The following CNTNAP2 variants were observed in gnomAD, a reference collection of about 807,000 sequenced individuals.
CNTNAP2 encodes contactin-associated protein-like 2.
In CNTNAP2, 98 loss-of-function variants were observed where a neutral mutation model predicts 155.2. The ratio of observed to expected loss-of-function variants is 0.63; its 90% confidence interval spans 0.54 to 0.75. CNTNAP2 has a LOEUF of 0.75. CNTNAP2 is among the 30% of genes least tolerant of loss of function. The probability of loss-of-function intolerance (pLI) is 0.00; values close to 1 mark genes in which losing one functional copy is unlikely to be tolerated. For synonymous variants in CNTNAP2, 651 were observed against 631.2 expected, an observed-to-expected ratio of 1.03 and a Z score of -0.47; for missense variants, 1,727 against 1,688.1, an observed-to-expected ratio of 1.02 and a Z score of -0.40.
chr7:147,149,133 TG>T (rs1308504034), intron 8 of CNTNAP2, among the ~76,000 whole-genome samples: 1 of 152,216 alleles, frequency 6.6e-6, no homozygotes, highest in East Asian at 1.9e-4. Context: ...TACAGAGAGC[TG>T]ATTGGTCCAT....
intron 13 of CNTNAP2, among the ~76,000 whole-genome samples, chr7:147,771,043 A>G (rs556015014): frequency 1.3e-5 from 2 of 152,224 alleles, no homozygotes; most frequent in Non-Finnish European, 2.9e-5. Context: ...AAAAATTGAT[A>G]TATGCATTTA....
chr7:146,754,650 C>T (rs1465136567), intron 1 of CNTNAP2, among the ~76,000 whole-genome samples: 1 of 151,508 alleles, frequency 6.6e-6, no homozygotes, highest in Non-Finnish European at 1.5e-5. Context: ...AGTTCCATTG[C>T]TGTGCCTTAG....
chr7:147,672,807 A>G (rs1795809639), intron 13 of CNTNAP2: 1 of 151,550 alleles, frequency 6.6e-6, no homozygotes, highest in Non-Finnish European at 1.5e-5. Context: ...TCTTAGTTGC[A>G]CTGATTTTTT....
intron 1 of CNTNAP2, among the ~76,000 whole-genome samples, chr7:146,228,679 A>G (rs2116909321): frequency 6.6e-6 from 1 of 152,248 alleles, no homozygotes; most frequent in South Asian, 2.1e-4. Context: ...AATGTGATTC[A>G]CATTTCATCT....
intron 1 of CNTNAP2, among the ~76,000 whole-genome samples, chr7:146,121,191 C>G (rs1584758989): frequency 1.5e-5 from 2 of 135,786 alleles, no homozygotes; most frequent in South Asian, 4.8e-4. Context: ...TGCAGTGGCC[C>G]GATCTCAGTT....
intron 8 of CNTNAP2, among the ~76,000 whole-genome samples, chr7:147,259,640 A>G (rs1008665777): frequency 1.3e-5 from 2 of 152,160 alleles, no homozygotes; most frequent in African/African-American, 2.4e-5. Flanking sequence ...TGTTTATATC[A>G]TTTGCATGTG....
chr7:146,557,497 T>C (rs932957227), intron 1 of CNTNAP2, among the ~76,000 whole-genome samples: 4 of 152,072 alleles, frequency 2.6e-5, no homozygotes, highest in African/African-American at 9.7e-5. Context: ...TAAGTGCATA[T>C]ACCAAACTTC....
rs543095431 is a variant in CNTNAP2, at chr7:146,987,722, G to GA, written c.403-56180dup. Among the ~76,000 whole-genome samples, 213 of 152,130 alleles carry GA rather than the reference G, an allele frequency of 1.4e-3. 1 individual carries two copies. The highest frequency in any genetic ancestry group is 2.5e-3 in the Non-Finnish European group (171 of 67,964). On this transcript the variant is annotated intron_variant, in intron 3 of 23. Coordinates refer to ENST00000361727, the MANE Select transcript of CNTNAP2 (RefSeq NM_014141.6). ...ACTACCAATGCCTAAATAACTAACT[G>GA]AAAAATGTATATATATTCATAGAAA...
At position 147,108,100 on chromosome 7, in the gene CNTNAP2, G is replaced by C. The variant is rs759022212; in HGVS notation, c.551-47G>C. The C allele has an allele frequency of 8.4e-6, 13 of 1,540,166 alleles. No individual in the cohort carries two copies. The South Asian group carries it at 1.5e-4, about 17-fold the overall frequency. On this transcript the variant is annotated intron_variant, in intron 4 of 23. Coordinates refer to ENST00000361727, the MANE Select transcript of CNTNAP2 (RefSeq NM_014141.6). Reference sequence around the variant, plus strand: ...TGCAGACACCTGTTGGAAGTGGATGGTAACATACATGGCTGAACTAATATG... The same window carrying C: ...TGCAGACACCTGTTGGAAGTGGATGCTAACATACATGGCTGAACTAATATG...
intron 1 of CNTNAP2, among the ~76,000 whole-genome samples, chr7:146,712,277 CAT>C (rs1171669269): frequency 6.5e-5 from 1 of 15,314 alleles, no homozygotes; most frequent in East Asian, 2.2e-3. Context: ...CTTATGTATA[CAT>C]ATATGTATAC....
At chr7:146,519,942 A>C (rs1364410211) in intron 1 of CNTNAP2, among the ~76,000 whole-genome samples, 1 of 151,858 alleles carries the variant, frequency 6.6e-6, no homozygotes, top group African/African-American at 2.4e-5. Context: ...GGGGAAAAAA[A>C]ACCTTAAAAC....
chr7:147,166,254 A>G (rs534741115), intron 8 of CNTNAP2, among the ~76,000 whole-genome samples: 1 of 152,316 alleles, frequency 6.6e-6, no homozygotes, highest in South Asian at 2.1e-4. Flanking sequence ...ATCTGAATGG[A>G]ACTGGAGACT....
intron 1 of CNTNAP2, among the ~76,000 whole-genome samples, chr7:146,702,988 G>A (rs181219650): frequency 2.6e-5 from 4 of 152,044 alleles, no homozygotes; most frequent in African/African-American, 4.8e-5. Context: ...CTCTTTTTAC[G>A]TGAGACAAAT....
chr7:147,194,082 AC>A lies in CNTNAP2; in HGVS notation c.1348+61579del, dbSNP rs540615607. On this transcript the variant is annotated intron_variant, in intron 8 of 23. Transcript: ENST00000361727. The stretch of plus-strand genomic sequence containing the variant: ...CCCCTCCTCTAAGTTCCATCCCCTG[AC>A]CCCCCACCCCCCAACAGGCCCTGGT... Among the ~76,000 whole-genome samples, 324 of 146,282 alleles carry A rather than the reference AC, an allele frequency of 2.2e-3. 2 individuals carry two copies. The highest frequency in any genetic ancestry group is 7.7e-3 in the African/African-American group (303 of 39,176).
At chr7:147,783,835 A>C (rs1212403969) in intron 13 of CNTNAP2, among the ~76,000 whole-genome samples, 2 of 152,190 alleles carry the variant, frequency 1.3e-5, no homozygotes, top group Non-Finnish European at 2.9e-5. Flanking sequence ...GCATGCCTTC[A>C]CCAGACACTG....
At position 146,804,415 on chromosome 7, in the gene CNTNAP2, G is replaced by T. The variant is rs75108351; in HGVS notation, c.208+30034G>T. 4.8e-3 allele frequency among the ~76,000 whole-genome samples: 737 copies of T among 152,218 alleles called. 10 individuals are homozygous for T. The highest frequency in any genetic ancestry group is 0.017 in the African/African-American group (695 of 41,528). ...ATGTTTCTTGCTAAACTCTGTGGTT[G>T]GTTTTGGGAGGATGTGTAAAATCCA... is the stretch of plus-strand genomic sequence containing the variant. On this transcript the variant is annotated intron_variant, in intron 2 of 23. Transcript: ENST00000361727.
intron 10 of CNTNAP2, among the ~76,000 whole-genome samples, chr7:147,397,612 G>A (rs1796841022): frequency 6.6e-6 from 1 of 151,950 alleles, no homozygotes; most frequent in Non-Finnish European, 1.5e-5. Context: ...GTTTTACTCT[G>A]ATAGAGACAG....
Position 147,176,888 on chromosome 7 carries a change from A to T in CNTNAP2, c.1348+44379A>T, listed in dbSNP as rs535686959. Among the ~76,000 whole-genome samples, 36 of 129,864 alleles carry T rather than the reference A, an allele frequency of 2.8e-4. No individual in the cohort carries two copies. The East Asian group carries it at 7.4e-3, about 27-fold the overall frequency. The allele number at this position is 129,864 out of a possible 152,430, so 85.2% of individuals were successfully genotyped here. A position where few individuals can be genotyped will look rare whatever the true frequency, so the allele number is the denominator to read the frequency against. ...TATAGAATAATTATAATATATAATT[A>T]TATATTATAATAATTATAATATATA... On this transcript the variant is annotated intron_variant, in intron 8 of 23. Transcript: ENST00000361727.
chr7:146,701,295 T>C (rs1800874163), intron 1 of CNTNAP2, among the ~76,000 whole-genome samples: 3 of 152,146 alleles, frequency 2.0e-5, no homozygotes, highest in Admixed American at 1.3e-4. Context: ...CCCCTCATCA[T>C]GAAACCCTTC....
Sources: gnomAD v4.1 joint callset for allele counts (sites outside exome capture counted in the v4.1 genomes callset) on GRCh38, gnomAD v4.1.1 for gene constraint, MANE v1.5 for transcripts, NCBI Gene and HGNC (gene_info 2026-07-23, HGNC 2026-07-21) for gene names.